Variants in ANKRD11 observed in about 807,000 individuals in gnomAD.
ANKRD11 encodes the protein ankyrin repeat domain-containing protein 11.
A neutral mutation model predicts 195.7 loss-of-function variants in ANKRD11; 17 were observed. That is an observed-to-expected ratio of 0.09 (90% CI 0.06 to 0.13). The LOEUF (loss-of-function observed/expected upper bound fraction) is 0.13, where lower values mean the gene tolerates loss of function less well. ANKRD11 is among the 10% of genes least tolerant of loss of function. The pLI is 1.00. For missense variants in ANKRD11, 3,735 were observed against 3,566.1 expected (o/e 1.05, Z -1.21); for synonymous variants, 1,953 against 1,528.1 (o/e 1.28, Z -6.49).
chr16:89,353,388 T>G (rs1278567449), intron 2 of ANKRD11, among the ~76,000 whole-genome samples: 3 of 152,128 alleles, frequency 2.0e-5, no homozygotes, highest in African/African-American at 7.2e-5. Flanking sequence ...AAACAAAGTT[T>G]CTATTTATTT....
At chr16:89,402,854 G>A (rs2041757046) in intron 2 of ANKRD11, among the ~76,000 whole-genome samples, 1 of 151,440 alleles carries the variant, frequency 6.6e-6, no homozygotes, top group Non-Finnish European at 1.5e-5. Context: ...TGGGCGGGGT[G>A]GGGCCTGCAG....
At chr16:89,434,249 T>C (rs1199568895) in intron 1 of ANKRD11, among the ~76,000 whole-genome samples, 10 of 152,136 alleles carry the variant, frequency 6.6e-5, no homozygotes, top group Non-Finnish European at 1.5e-5. Context: ...GGGGGTGAAC[T>C]GCAATTTTTT....
chr16:89,304,298 A>G (rs2151864949), intron 4 of ANKRD11, among the ~76,000 whole-genome samples: 1 of 152,008 alleles, frequency 6.6e-6, no homozygotes, highest in African/African-American at 2.4e-5. Flanking sequence ...ACACATGGGC[A>G]CACAGGCACA....
rs1597800993 is a variant in ANKRD11, at chr16:89,366,759, CT to C, written c.-59-49682del. Among the ~76,000 whole-genome samples the C allele has an allele frequency of 1.1e-4, 16 of 152,344 alleles. No individual in the cohort carries two copies. The South Asian group carries it at 3.3e-3, about 32-fold the overall frequency. ...ACAAAGCAGCTCTCTTGAATGTGTG[CT>C]ATGGGTACACCAAGTCCCACTTCCG... is the stretch of plus-strand genomic sequence containing the variant. On this transcript the variant is annotated intron_variant, in intron 2 of 12. Transcript: ENST00000301030.
At chr16:89,317,337 C>G (rs1301793383) in intron 2 of ANKRD11, among the ~76,000 whole-genome samples, 1 of 152,228 alleles carries the variant, frequency 6.6e-6, no homozygotes, top group Non-Finnish European at 1.5e-5. Flanking sequence ...GAAAGGGACG[C>G]ATGGCCTAGG....
intron 1 of ANKRD11, among the ~76,000 whole-genome samples, chr16:89,485,323 TAAAAAA>T (rs397855823): frequency 1.6e-5 from 2 of 128,108 alleles, no homozygotes; most frequent in Non-Finnish European, 3.3e-5. Context: ...ATCTCTACTT[TAAAAAA>T]AAAAAAAAAA....
rs1294353692 is a variant in ANKRD11, at chr16:89,281,002, G to A, written c.5540C>T (p.Ser1847Leu). Residue 1847 changes from serine (S) to leucine (L), a missense_variant, in exon 9 of 13, where the codon TCG becomes TTG. Transcript: ENST00000301030. This position sits in a 1 kb window ranked among gnomAD's most constrained non-coding sequence, Gnocchi z 5.5. ...PVPAEKFACLSPGYYSPDYGL... is the reference protein window; with the variant it reads ...PVPAEKFACLLPGYYSPDYGL... The stretch of plus-strand genomic sequence containing the variant: ...ATAGTCTGGGGAGTAGTACCCTGGC[G>A]ACAAGCAGGCAAACTTCTCCGCGGG... 2.1e-5 allele frequency: 33 copies of A among 1,581,746 alleles called. No homozygotes were observed. The highest frequency in any genetic ancestry group is 1.1e-4 in the Admixed American group (6 of 56,774).
intron 2 of ANKRD11, among the ~76,000 whole-genome samples, chr16:89,390,370 C>G (rs2041134951): frequency 6.7e-6 from 1 of 149,658 alleles, no homozygotes; most frequent in African/African-American, 2.5e-5. Flanking sequence ...GCGGGGAGCA[C>G]TGAGAGAGAG....
At chr16:89,301,781 T>C (rs1194493998) in intron 4 of ANKRD11, 1 of 396,320 alleles carries the variant, frequency 2.5e-6, no homozygotes, top group East Asian at 3.6e-5. Flanking sequence ...ACATTGTTCT[T>C]GGCAGGCGGC....
chr16:89,475,767 C>T (rs1159637329), intron 1 of ANKRD11, among the ~76,000 whole-genome samples: 1 of 152,120 alleles, frequency 6.6e-6, no homozygotes, highest in Non-Finnish European at 1.5e-5. Flanking sequence ...CAACTGACCC[C>T]GGCCAGGTGC....
intron 4 of ANKRD11, chr16:89,300,741 C>T (rs72803314): frequency 0.037 from 21,574 of 581,832 alleles, 626 homozygotes; most frequent in East Asian, 0.062. Flanking sequence ...AAGCACCTAA[C>T]GCTGAAGGAA....
chr16:89,331,604 C>A (rs972009303), intron 2 of ANKRD11, among the ~76,000 whole-genome samples: 1 of 151,988 alleles, frequency 6.6e-6, no homozygotes, highest in South Asian at 2.1e-4. Flanking sequence ...AGGCACCCAG[C>A]GATTCAGGAG....
intron 1 of ANKRD11, among the ~76,000 whole-genome samples, chr16:89,461,496 C>A (rs1256497168): frequency 6.6e-6 from 1 of 152,118 alleles, no homozygotes; most frequent in Non-Finnish European, 1.5e-5. Flanking sequence ...CACCTGCCAC[C>A]ACGCCTGGCT....
chr16:89,326,862 G>A (rs1203233826), intron 2 of ANKRD11, among the ~76,000 whole-genome samples: 1 of 152,244 alleles, frequency 6.6e-6, no homozygotes, highest in East Asian at 1.9e-4. Flanking sequence ...GCCCGCCAGG[G>A]GCTGCTGGTG....
chr16:89,332,383 G>GC (rs990465971), intron 2 of ANKRD11, among the ~76,000 whole-genome samples: 1 of 152,126 alleles, frequency 6.6e-6, no homozygotes, highest in Non-Finnish European at 1.5e-5. Context: ...GAAACACTGA[G>GC]CCCCCCAAGT....
At chr16:89,278,713 G>A in intron 9 of ANKRD11, 3 of 499,050 alleles carry the variant, frequency 6.0e-6, no homozygotes, top group Non-Finnish European at 7.8e-6. Flanking sequence ...AGGAGACACA[G>A]GGGGTGGCTC....
intron 1 of ANKRD11, among the ~76,000 whole-genome samples, chr16:89,446,105 TA>T (rs998043360): frequency 3.8e-4 from 55 of 145,538 alleles, no homozygotes; most frequent in East Asian, 1.4e-3. Flanking sequence ...CCACCATCTT[TA>T]AAAAAAAAAA....
intron 1 of ANKRD11, among the ~76,000 whole-genome samples, chr16:89,435,374 A>G (rs960801647): frequency 6.6e-6 from 1 of 152,168 alleles, no homozygotes; most frequent in Non-Finnish European, 1.5e-5. Context: ...GCAGCAACCC[A>G]CTGGGGTCCC....
chr16:89,347,224 C>A (rs1385388057), intron 2 of ANKRD11, among the ~76,000 whole-genome samples: 3 of 152,208 alleles, frequency 2.0e-5, no homozygotes, highest in Non-Finnish European at 4.4e-5. Context: ...CTTTCAATCT[C>A]TGGCAGTGTA....
Sources: gnomAD v4.1 joint callset for allele counts (sites outside exome capture counted in the v4.1 genomes callset) on GRCh38, gnomAD v4.1.1 for gene constraint, Gnocchi (gnomAD v3.1) non-coding constraint, MANE v1.5 for transcripts, NCBI Gene and HGNC (gene_info 2026-07-23, HGNC 2026-07-21) for gene names.